Variants in TBC1D9 observed in about 807,000 individuals in gnomAD.
TBC1D9 encodes TBC1 domain family member 9A.
TBC1D9 carries 63 observed loss-of-function variants against 132.0 expected under a neutral mutation model. The ratio of observed to expected loss-of-function variants is 0.48; its 90% CI spans 0.39 to 0.59. The LOEUF (loss-of-function observed/expected upper bound fraction) is 0.59, where lower values mean the gene tolerates loss of function less well. TBC1D9 is among the 20% of genes least tolerant of loss of function. TBC1D9 has a pLI of 0.00. For missense variants in TBC1D9, 1,261 were observed against 1,592.7 expected (o/e 0.79, Z 3.54); for synonymous variants, 610 against 609.9 (o/e 1.00, Z 0.00).
chr4:140,668,331 TC>T (rs1403174808), intron 9 of TBC1D9, among the ~76,000 whole-genome samples: 1 of 152,196 alleles, frequency 6.6e-6, no homozygotes, highest in Admixed American at 6.5e-5. Context: ...CATGGAAGTG[TC>T]CCCTTCTGTC....
chr4:140,685,665 A>T (rs1456973260), intron 3 of TBC1D9, among the ~76,000 whole-genome samples: 1 of 152,202 alleles, frequency 6.6e-6, no homozygotes, highest in Non-Finnish European at 1.5e-5. Context: ...ATATGTGTCA[A>T]ATATTCTGGT....
intron 1 of TBC1D9, among the ~76,000 whole-genome samples, chr4:140,731,602 G>A (rs1159541203): frequency 6.6e-6 from 1 of 151,898 alleles, no homozygotes; most frequent in African/African-American, 2.4e-5. Context: ...CCAAGCTGTT[G>A]CGTGTCTTAT....
At chr4:140,624,023 TG>T in intron 20 of TBC1D9, 92 bp downstream of exon 20, 1 of 955,090 alleles carries the variant, frequency 1.0e-6, no homozygotes, top group Non-Finnish European at 1.5e-6. Context: ...TTATTTTTGA[TG>T]GGTATTGAGT....
At chr4:140,752,198 GAATA>G (rs1738936699) in intron 1 of TBC1D9, among the ~76,000 whole-genome samples, 1 of 152,032 alleles carries the variant, frequency 6.6e-6, no homozygotes, top group East Asian at 1.9e-4. Flanking sequence ...ATAAAGAGAT[GAATA>G]AATTGTGGTA....
intron 1 of TBC1D9, among the ~76,000 whole-genome samples, chr4:140,709,242 T>TCACACACA (rs1351887682): frequency 1.1e-3 from 115 of 106,812 alleles, no homozygotes; most frequent in African/African-American, 4.5e-3. Flanking sequence ...TCTCTCTCTC[T>TCACACACA]CTCTCTCACA....
In TBC1D9 at chr4:140,634,192, A is replaced by G. The variant is rs1318779556; in HGVS notation, c.2506-4T>C. 6.2e-7 allele frequency: 1 copy of G among 1,611,586 alleles called. No homozygotes were observed. Among genetic ancestry groups the G allele is most frequent in the South Asian group, 1.1e-5 (1 of 90,960 alleles). On this transcript the variant is annotated splice_region_variant and splice_polypyrimidine_tract_variant and intron_variant, in intron 15 of 20. Transcript: ENST00000442267. ...AGCAGCTGGTGAGATGTTCTGCCTG[A>G]AAAAGAATGGATGATCACTGGGGAC...
chr4:140,624,177 A>C lies in TBC1D9; in HGVS notation c.3017T>G (p.Leu1006Arg). 1 of 1,612,246 alleles carries C rather than the reference A, an allele frequency of 6.2e-7. No individual in the cohort carries two copies. The change falls in exon 20 of 21, where the codon CTG becomes CGG. Residue 1006 changes from leucine to arginine, a missense_variant. Around this residue, in one of 3 missense-constraint regions of TBC1D9, gnomAD observed 618 missense variants for 724.4 expected, o/e 0.85. Transcript: ENST00000442267. ...NSQENRNYLR[L>R]WTPENKSKSK... ...CTTAGATTTATTTTCTGGAGTCCAC[A>C]GTCTCAAATAATTACGATTTTCTTG...
At chr4:140,639,499 C>T (rs1736945918) in intron 13 of TBC1D9, 71 bp from the exon 14 acceptor site, 1 of 1,028,374 alleles carries the variant, frequency 9.7e-7, no homozygotes, top group Non-Finnish European at 1.5e-6. Context: ...TGCAGAATGC[C>T]TGCAACACAC....
chr4:140,627,546 A>C lies in TBC1D9; in HGVS notation c.2813-19T>G. ...GATGGCTCTAGGGAGGGGAGGAAACATAGTTCTCATATTGGTAGGGCCATG... is the reference window on the plus strand; with the variant it reads ...GATGGCTCTAGGGAGGGGAGGAAACCTAGTTCTCATATTGGTAGGGCCATG... On this transcript the variant is annotated intron_variant, in intron 17 of 20. Transcript: ENST00000442267. 6.9e-7 allele frequency: 1 copy of C among 1,455,682 alleles called. No individual in the cohort carries two copies. Among genetic ancestry groups the C allele is most frequent in the Non-Finnish European group, 9.6e-7 (1 of 1,040,612 alleles). The allele number at this position is 1,455,682 out of a possible 1,614,324, so 90.2% of individuals were successfully genotyped here. A position where few individuals can be genotyped will look rare whatever the true frequency, so the allele number is the denominator to read the frequency against.
intron 1 of TBC1D9, among the ~76,000 whole-genome samples, chr4:140,737,339 T>C (rs1361624544): frequency 1.3e-5 from 2 of 151,822 alleles, no homozygotes; most frequent in Non-Finnish European, 2.9e-5. Flanking sequence ...GGAAAGACCC[T>C]CCATTTTCTT....
At chr4:140,736,065 C>T (rs180908725) in intron 1 of TBC1D9, among the ~76,000 whole-genome samples, 2 of 152,248 alleles carry the variant, frequency 1.3e-5, no homozygotes, top group African/African-American at 2.4e-5. Context: ...TAATGATCCA[C>T]AAATTTATGA....
At chr4:140,629,924 T>C (rs1454658697) in intron 16 of TBC1D9, among the ~76,000 whole-genome samples, 1 of 152,244 alleles carries the variant, frequency 6.6e-6, no homozygotes, top group Non-Finnish European at 1.5e-5. Context: ...ATCCCACTTA[T>C]ATCTCATAAC....
chr4:140,635,967 C>T (rs187744759), intron 15 of TBC1D9, among the ~76,000 whole-genome samples: 6 of 152,262 alleles, frequency 3.9e-5, no homozygotes, highest in African/African-American at 9.6e-5. Flanking sequence ...GGATATATTC[C>T]GGGAGGGAAC....
chr4:140,754,371 C>G (rs567496868), intron 1 of TBC1D9, among the ~76,000 whole-genome samples: 3 of 152,076 alleles, frequency 2.0e-5, no homozygotes, highest in African/African-American at 7.2e-5. Flanking sequence ...CCCAGCACTT[C>G]GGGAGGCCAA....
chr4:140,637,342 T>C (rs1736896804), intron 15 of TBC1D9, among the ~76,000 whole-genome samples: 2 of 146,362 alleles, frequency 1.4e-5, no homozygotes, highest in African/African-American at 5.2e-5. Context: ...AGAACGAGAC[T>C]CCGTCTCAAA....
At chr4:140,738,877 C>T (rs1053600921) in intron 1 of TBC1D9, among the ~76,000 whole-genome samples, 4 of 152,158 alleles carry the variant, frequency 2.6e-5, no homozygotes, top group Non-Finnish European at 4.4e-5. Context: ...TTTCACACTT[C>T]CCCCTGGCAT....
intron 1 of TBC1D9, among the ~76,000 whole-genome samples, chr4:140,735,924 T>G (rs1226393333): frequency 6.6e-6 from 1 of 152,116 alleles, no homozygotes; most frequent in African/African-American, 2.4e-5. Flanking sequence ...GGATCACAGC[T>G]CATTATACAT....
intron 7 of TBC1D9, 42 bp from the exon 8 acceptor site, chr4:140,669,846 CAAT>C: frequency 6.4e-7 from 1 of 1,563,866 alleles, no homozygotes; most frequent in African/African-American, 1.3e-5. Context: ...AGGACACGGG[CAAT>C]AGAACCTACT....
rs1191398265 is a variant in TBC1D9 at position 140,622,687 on chromosome 4, C to T, written c.3309G>A (p.Gln1103=). Residue 1103 remains glutamine, a synonymous_variant, in exon 21 of 21, where the codon CAG becomes CAA. Transcript: ENST00000442267. ...GVLFPKKGPG[Q]PYVVESVEPL... Reference sequence around the variant, plus strand: ...GCTCAACAGACTCCACCACGTAAGGCTGGCCTGGCCCTTTCTTGGGGAAGA... The same window carrying T: ...GCTCAACAGACTCCACCACGTAAGGTTGGCCTGGCCCTTTCTTGGGGAAGA... The T allele has an allele frequency of 6.2e-7, 1 of 1,611,200 alleles. No individual in the cohort carries two copies. Among genetic ancestry groups the T allele is most frequent in the African/African-American group, 1.3e-5 (1 of 74,942 alleles).
Sources: gnomAD v4.1 joint callset for allele counts (sites outside exome capture counted in the v4.1 genomes callset) on GRCh38, gnomAD v4.1.1 for gene constraint, gnomAD v4.1.1 regional missense constraint, MANE v1.5 for transcripts, NCBI Gene and HGNC (gene_info 2026-07-23, HGNC 2026-07-21) for gene names.